The following TMPRSS11D variants were observed in gnomAD, a reference collection of about 807,000 sequenced individuals.
TMPRSS11D encodes transmembrane serine protease 11D.
A neutral mutation model predicts 44.4 loss-of-function variants in TMPRSS11D; 32 were observed. The ratio of observed to expected loss-of-function variants is 0.72; its 90% CI spans 0.54 to 0.97. The LOEUF (loss-of-function observed/expected upper bound fraction) is 0.97. TMPRSS11D is among the 50% of genes least tolerant of loss of function. The pLI is 0.00. For missense variants in TMPRSS11D, 446 were observed against 502.6 expected (o/e 0.89, Z 1.08); for synonymous variants, 179 against 177.9 (o/e 1.01, Z -0.05).
At chr4:67,842,407 T>A in intron 4 of TMPRSS11D, 151 bp downstream of exon 4, 1 of 694,230 alleles carries the variant, frequency 1.4e-6, no homozygotes, top group Non-Finnish European at 2.4e-6. Flanking sequence ...TTTGGCTTTT[T>A]TGGCATTGGT....
chr4:67,835,578 A>G (rs1718062722), intron 5 of TMPRSS11D, among the ~76,000 whole-genome samples: 1 of 152,188 alleles, frequency 6.6e-6, no homozygotes, highest in Non-Finnish European at 1.5e-5. Flanking sequence ...CGAGCAAAAT[A>G]TAGAGGACCT....
intron 1 of TMPRSS11D, among the ~76,000 whole-genome samples, chr4:67,881,012 A>C (rs987725192): frequency 6.6e-6 from 1 of 152,148 alleles, no homozygotes; most frequent in Admixed American, 6.5e-5. Context: ...TAGATTTGGG[A>C]TGGTGCTTTT....
In TMPRSS11D at chr4:67,822,423, C is replaced by G; in HGVS notation, c.1171G>C (p.Asp391His). The stretch of plus-strand genomic sequence containing the variant: ...GGCTTATCCGGCAGGCCACACTGAT[C>G]TCCCCAGCTTACTATCCCCACAATA... Reference protein sequence around the residue: ...WFIVGIVSWGDQCGLPDKPGV... With the variant: ...WFIVGIVSWGHQCGLPDKPGV... The change falls in exon 10 of 10, where the codon GAT becomes CAT. Residue 391 changes from aspartate (D) to histidine (H), a missense_variant. Asp to His is a moderately conservative substitution (Grantham distance 81, BLOSUM62 -1). Transcript: ENST00000283916. The G allele has an allele frequency of 6.2e-7, 1 of 1,613,952 alleles. No homozygotes were observed. Among genetic ancestry groups the G allele is most frequent in the Non-Finnish European group, 8.5e-7 (1 of 1,179,910 alleles).
intron 1 of TMPRSS11D, among the ~76,000 whole-genome samples, chr4:67,882,997 G>C (rs1719356556): frequency 6.6e-6 from 1 of 151,812 alleles, no homozygotes; most frequent in Non-Finnish European, 1.5e-5. Context: ...TGGAAGCTTA[G>C]ACAGCTATCC....
chr4:67,853,998 A>G (rs1330135876), intron 3 of TMPRSS11D, 70 bp downstream of exon 3: 1 of 933,532 alleles, frequency 1.1e-6, no homozygotes, highest in Non-Finnish European at 1.6e-6. Flanking sequence ...AAAATATATT[A>G]CAAAACATTA....
At chr4:67,870,090 G>C (rs1360903251) in intron 1 of TMPRSS11D, among the ~76,000 whole-genome samples, 3 of 152,130 alleles carry the variant, frequency 2.0e-5, no homozygotes, top group Admixed American at 2.0e-4. Context: ...CTTTTCTTGT[G>C]TGTGGCAATA....
intron 2 of TMPRSS11D, 90 bp from the exon 3 acceptor site, chr4:67,854,276 G>T: frequency 3.1e-6 from 2 of 647,790 alleles, no homozygotes; most frequent in East Asian, 3.1e-5. Context: ...TTATATTATA[G>T]AATTTCAAAA....
chr4:67,831,149 A>G (rs1179293554), intron 7 of TMPRSS11D, among the ~76,000 whole-genome samples: 1 of 152,136 alleles, frequency 6.6e-6, no homozygotes, highest in Non-Finnish European at 1.5e-5. Context: ...AATATCACAA[A>G]TCATGAGGAC....
chr4:67,861,736 C>T lies in TMPRSS11D; in HGVS notation c.9-2058G>A, dbSNP rs554378323. On this transcript the variant is annotated intron_variant, in intron 1 of 9. Coordinates refer to ENST00000283916, the MANE Select transcript of TMPRSS11D (RefSeq NM_004262.3). ...TCTTGAACTCAATAACTGAAAAGCA[C>T]CATGAGACATATGACTCAACAAACA... Among the ~76,000 whole-genome samples, 13 of 152,242 alleles carry T rather than the reference C, an allele frequency of 8.5e-5. No individual in the cohort carries two copies. In the South Asian group the frequency reaches 2.5e-3, roughly 29 times the overall value.
At chr4:67,861,935 A>C (rs948768122) in intron 1 of TMPRSS11D, among the ~76,000 whole-genome samples, 1 of 152,156 alleles carries the variant, frequency 6.6e-6, no homozygotes, top group South Asian at 2.1e-4. Context: ...ATTGTGTATA[A>C]TATTTACTCT....
At position 67,833,274 on chromosome 4, in the gene TMPRSS11D, T is replaced by C. The variant is rs1357690229; in HGVS notation, c.622A>G (p.Asn208Asp). 1.3e-6 allele frequency: 2 copies of C among 1,598,866 alleles called. No individual in the cohort carries two copies. Among genetic ancestry groups the C allele is most frequent in the East Asian group, 2.3e-5 (1 of 43,622 alleles). The change falls in exon 7 of 10, where the codon AAT becomes GAT. Residue 208 changes from asparagine (N) to aspartate (D), a missense_variant. Asn to Asp is a conservative substitution (Grantham distance 23, BLOSUM62 1). Transcript: ENST00000283916. ...WPWQVSLRLN[N>D]AHHCGGSLIN... ...AGGCTGCCTCCACAGTGGTGGGCATTATTGAGCCGCAGACTGACTTGCCAC... is the reference window on the plus strand; with the variant it reads ...AGGCTGCCTCCACAGTGGTGGGCATCATTGAGCCGCAGACTGACTTGCCAC...
At chr4:67,875,157 A>G (rs1247478193) in intron 1 of TMPRSS11D, among the ~76,000 whole-genome samples, 3 of 152,180 alleles carry the variant, frequency 2.0e-5, no homozygotes, top group Non-Finnish European at 4.4e-5. Context: ...ACAGAGTTCC[A>G]AGGTCTATGG....
intron 1 of TMPRSS11D, among the ~76,000 whole-genome samples, chr4:67,870,719 C>A (rs921362974): frequency 2.2e-5 from 3 of 134,390 alleles, no homozygotes; most frequent in Non-Finnish European, 4.9e-5. Flanking sequence ...GAGGCTGAGG[C>A]AGGAGACTGG....
chr4:67,825,146 G>A (rs979795208), intron 9 of TMPRSS11D, among the ~76,000 whole-genome samples: 3 of 151,618 alleles, frequency 2.0e-5, no homozygotes, highest in Non-Finnish European at 4.4e-5. Context: ...AAATTACTAG[G>A]ATTTTGTATA....
At chr4:67,873,122 A>G (rs1270653830) in intron 1 of TMPRSS11D, among the ~76,000 whole-genome samples, 3 of 152,208 alleles carry the variant, frequency 2.0e-5, no homozygotes, top group Non-Finnish European at 1.5e-5. Flanking sequence ...ATGCCAAATG[A>G]CAAAAAGCCA....
chr4:67,869,117 T>C (rs549779083), intron 1 of TMPRSS11D, among the ~76,000 whole-genome samples: 9 of 152,342 alleles, frequency 5.9e-5, no homozygotes, highest in Admixed American at 5.2e-4. Context: ...TCAGTAACTG[T>C]TAGTATTTTT....
In TMPRSS11D at chr4:67,821,328, C is replaced by T. The variant is rs1454773009; in HGVS notation, c.*1009G>A. 2 of 152,046 alleles carry T rather than the reference C, an allele frequency of 1.3e-5. No homozygotes were observed. The highest frequency in any genetic ancestry group is 2.4e-5 in the African/African-American group (1 of 41,396). The allele number at this position is 152,046 out of a possible 1,614,324, so 9.4% of individuals were successfully genotyped here. A position where few individuals can be genotyped will look rare whatever the true frequency, so the allele number is the denominator to read the frequency against. On this transcript the variant is annotated 3_prime_UTR_variant, in exon 10 of 10. Transcript: ENST00000283916. ...AGTTTTTTCTGTCTTCAGGATCATTCTATTGATATTAAGCTATTTAAACTT... is the reference window on the plus strand; with the variant it reads ...AGTTTTTTCTGTCTTCAGGATCATTTTATTGATATTAAGCTATTTAAACTT...
At chr4:67,868,619 G>T (rs543022188) in intron 1 of TMPRSS11D, among the ~76,000 whole-genome samples, 2 of 152,256 alleles carry the variant, frequency 1.3e-5, no homozygotes, top group East Asian at 3.9e-4. Flanking sequence ...CCAGTGTGGT[G>T]GTTATAGGAA....
At chr4:67,869,387 T>C (rs1430212391) in intron 1 of TMPRSS11D, among the ~76,000 whole-genome samples, 1 of 152,072 alleles carries the variant, frequency 6.6e-6, no homozygotes. Context: ...TATCTAGTAA[T>C]AAGAAGAAAC....
Sources: allele counts gnomAD v4.1 joint callset (sites outside exome capture counted in the v4.1 genomes callset), GRCh38; gene constraint gnomAD v4.1.1; transcripts MANE v1.5; gene names NCBI Gene and HGNC (gene_info 2026-07-23, HGNC 2026-07-21).